Variants in CSMD1 observed in about 807,000 individuals in gnomAD.
CSMD1 encodes the protein CUB and Sushi multiple domains 1.
CSMD1 carries 213 observed loss-of-function variants against 417.5 expected under a neutral mutation model. That is an observed-to-expected ratio of 0.51 (90% confidence interval 0.46 to 0.57). The LOEUF (loss-of-function observed/expected upper bound fraction) is 0.57, where lower values mean the gene tolerates loss of function less well. Among genes scored for constraint, CSMD1 ranks in the 20% least tolerant of loss-of-function variants. CSMD1 has a pLI of 0.00. For synonymous variants in CSMD1, 2,862 were observed against 1,736.8 expected, an observed-to-expected ratio of 1.65 and a Z score of -16.11; for missense variants, 6,923 against 4,529.7, an observed-to-expected ratio of 1.53 and a Z score of -15.17.
intron 3 of CSMD1, among the ~76,000 whole-genome samples, chr8:4,186,638 T>C (rs1023011146): frequency 6.6e-6 from 1 of 152,100 alleles, no homozygotes; most frequent in Admixed American, 6.6e-5. Context: ...GAGGCTATTA[T>C]TTTTAGATGC....
chr8:3,635,621 C>A (rs1366130049), intron 7 of CSMD1, among the ~76,000 whole-genome samples: 1 of 150,998 alleles, frequency 6.6e-6, no homozygotes, highest in East Asian at 2.0e-4. Flanking sequence ...GTAGCTGGGA[C>A]TACAGGCGCC....
chr8:4,496,464 A>G (rs1482133424), intron 2 of CSMD1, among the ~76,000 whole-genome samples: 1 of 152,190 alleles, frequency 6.6e-6, no homozygotes, highest in Non-Finnish European at 1.5e-5. Flanking sequence ...AGGCAAGCCA[A>G]GAGAACGTGG....
chr8:4,820,599 A>G (rs934927116), intron 1 of CSMD1, among the ~76,000 whole-genome samples: 1 of 152,226 alleles, frequency 6.6e-6, no homozygotes, highest in Non-Finnish European at 1.5e-5. Context: ...CAAACGGGAT[A>G]GCTTTCTGAA....
chr8:3,920,207 A>G (rs576480623), intron 5 of CSMD1, among the ~76,000 whole-genome samples: 1 of 151,942 alleles, frequency 6.6e-6, no homozygotes, highest in Admixed American at 6.6e-5. Flanking sequence ...CTAACTTTTC[A>G]TATTTTTAGT....
At chr8:3,425,276 GA>G (rs1490997646) in intron 12 of CSMD1, among the ~76,000 whole-genome samples, 1 of 152,162 alleles carries the variant, frequency 6.6e-6, no homozygotes, top group Non-Finnish European at 1.5e-5. Context: ...TGGGACAAGG[GA>G]AACTCCTGTA....
At position 4,758,500 on chromosome 8, in the gene CSMD1, C is replaced by A. The variant is rs1237638100; in HGVS notation, c.86-120942G>T. On this transcript the variant is annotated intron_variant, in intron 1 of 69. Transcript: ENST00000635120. ...AAGAAAGAGATCCCTTTGGACTGTGCTGGTCAGTAGGGCCTTCTAGAAGGA... is the reference window on the plus strand; with the variant it reads ...AAGAAAGAGATCCCTTTGGACTGTGATGGTCAGTAGGGCCTTCTAGAAGGA... Among the ~76,000 whole-genome samples, 3 of 152,270 alleles carry A rather than the reference C, an allele frequency of 2.0e-5. No homozygotes were observed. The East Asian group carries it at 5.8e-4, about 29-fold the overall frequency.
intron 1 of CSMD1, among the ~76,000 whole-genome samples, chr8:4,650,121 G>A (rs527433370): frequency 1.1e-4 from 16 of 152,150 alleles, no homozygotes; most frequent in South Asian, 2.1e-4. Context: ...CGAGGCGGGC[G>A]GATCACGAGG....
chr8:3,406,723 C>A (rs371389517), intron 14 of CSMD1, among the ~76,000 whole-genome samples: 16 of 152,226 alleles, frequency 1.1e-4, no homozygotes, highest in African/African-American at 3.9e-4. Context: ...AAGTATTCTG[C>A]CTAAGAAACT....
intron 2 of CSMD1, among the ~76,000 whole-genome samples, chr8:4,453,347 C>T (rs1348915467): frequency 6.6e-6 from 1 of 152,128 alleles, no homozygotes; most frequent in Non-Finnish European, 1.5e-5. Context: ...AACCAACTGC[C>T]CCAGTCTGCT....
chr8:4,688,438 A>T (rs1448663285), intron 1 of CSMD1, among the ~76,000 whole-genome samples: 5 of 152,158 alleles, frequency 3.3e-5, no homozygotes, highest in Admixed American at 1.3e-4. Context: ...AGGGTGAGCC[A>T]TCTCCCCGGG....
At chr8:3,626,339 C>T (rs570566353) in intron 7 of CSMD1, among the ~76,000 whole-genome samples, 30 of 152,164 alleles carry the variant, frequency 2.0e-4, no homozygotes, top group Non-Finnish European at 4.0e-4. Flanking sequence ...AAATATCTTA[C>T]AGGATGCCCA....
intron 22 of CSMD1, among the ~76,000 whole-genome samples, chr8:3,345,217 G>A (rs1442022069): frequency 6.6e-6 from 1 of 152,198 alleles, no homozygotes; most frequent in African/African-American, 2.4e-5. Flanking sequence ...GTGTCCTCAT[G>A]AGGACTTGAC....
intron 8 of CSMD1, among the ~76,000 whole-genome samples, chr8:3,606,402 T>G (rs115414212): frequency 6.6e-6 from 1 of 152,154 alleles, no homozygotes; most frequent in African/African-American, 2.4e-5. Context: ...CTGTAGGCAA[T>G]TGAACACAAT....
intron 1 of CSMD1, among the ~76,000 whole-genome samples, chr8:4,709,177 G>A (rs897188068): frequency 2.0e-5 from 3 of 152,162 alleles, no homozygotes; most frequent in Non-Finnish European, 2.9e-5. Context: ...TTGATGCATA[G>A]CTCAGCTCAC....
At chr8:4,568,582 C>T (rs766140458) in intron 2 of CSMD1, among the ~76,000 whole-genome samples, 9 of 152,050 alleles carry the variant, frequency 5.9e-5, no homozygotes, top group Non-Finnish European at 1.3e-4. Flanking sequence ...AATACACATA[C>T]GTGTGCATGC....
At chr8:4,369,526 A>T (rs1013787371) in intron 3 of CSMD1, among the ~76,000 whole-genome samples, 1 of 152,140 alleles carries the variant, frequency 6.6e-6, no homozygotes, top group Non-Finnish European at 1.5e-5. Context: ...TTTGTCTAAC[A>T]CCGTCAGTGC....
chr8:3,343,296 G>A lies in CSMD1; in HGVS notation c.3629C>T (p.Thr1210Ile), dbSNP rs777610505. 2.5e-5 allele frequency: 40 copies of A among 1,612,712 alleles called. No individual in the cohort carries two copies. The highest frequency in any genetic ancestry group is 3.3e-5 in the Non-Finnish European group (39 of 1,178,938). The part of the protein sequence containing the change: ...DTDQGFQLTY[T>I]SFDLVKCEDP... ...TGATTAAGTCGTATGTTACTTACTG[G>A]TATAGGTGAGTTGAAAACCTTGGTC... Residue 1210 changes from threonine to isoleucine, a missense_variant and splice_region_variant, in exon 23 of 70, where the codon ACC (threonine) becomes ATC (isoleucine). Transcript: ENST00000635120.
At chr8:2,977,862 A>T (rs1805067815) in intron 55 of CSMD1, among the ~76,000 whole-genome samples, 1 of 152,222 alleles carries the variant, frequency 6.6e-6, no homozygotes, top group South Asian at 2.1e-4. Flanking sequence ...ATGCAAATCA[A>T]AACTACAATG....
intron 6 of CSMD1, among the ~76,000 whole-genome samples, chr8:3,751,112 T>A (rs1425320712): frequency 6.6e-6 from 1 of 151,862 alleles, no homozygotes; most frequent in East Asian, 1.9e-4. Context: ...GACCATGTGG[T>A]AATGAAAAAA....
Sources: gnomAD v4.1 joint callset for allele counts (sites outside exome capture counted in the v4.1 genomes callset) on GRCh38, gnomAD v4.1.1 for gene constraint, MANE v1.5 for transcripts, NCBI Gene and HGNC (gene_info 2026-07-23, HGNC 2026-07-21) for gene names.